Variants in FLVCR2 observed in about 807,000 individuals in gnomAD.
The protein encoded by FLVCR2 is choline/ethanolamine transporter FLVCR2.
Under a neutral mutation model 48.9 loss-of-function variants are expected in FLVCR2, and 38 were observed. That is an observed-to-expected ratio of 0.78 (90% CI 0.60 to 1.02). The LOEUF (loss-of-function observed/expected upper bound fraction) is 1.02, where lower values mean the gene tolerates loss of function less well. Among genes scored for constraint, FLVCR2 ranks in the 50% least tolerant of loss-of-function variants. The pLI is 0.00. For missense variants in FLVCR2, 664 were observed against 663.3 expected (o/e 1.00, Z -0.01); for synonymous variants, 255 against 257.0 (o/e 0.99, Z 0.07).
chr14:75,607,212 A>G (rs935107228), intron 1 of FLVCR2, among the ~76,000 whole-genome samples: 1 of 152,170 alleles, frequency 6.6e-6, no homozygotes, highest in African/African-American at 2.4e-5. Context: ...TGAAAGCTAA[A>G]TGAGGCAATG....
intron 2 of FLVCR2, among the ~76,000 whole-genome samples, chr14:75,623,974 C>T (rs575267826): frequency 2.0e-5 from 3 of 152,182 alleles, no homozygotes; most frequent in South Asian, 2.1e-4. Flanking sequence ...ATCACTTGAA[C>T]CCGGGAGGCA....
chr14:75,606,002 G>A (rs576817654), intron 1 of FLVCR2: 148 of 232,022 alleles, frequency 6.4e-4, no homozygotes, highest in African/African-American at 3.0e-3. Flanking sequence ...GAGGTGAGCA[G>A]GCATAAGGCA....
At position 75,627,649 on chromosome 14, in the gene FLVCR2, A is replaced by G. The variant is rs532884168; in HGVS notation, c.952+2897A>G. Among the ~76,000 whole-genome samples the G allele has an allele frequency of 5.9e-5, 9 of 152,350 alleles. No individual in the cohort carries two copies. The East Asian group carries it at 9.6e-4, about 16-fold the overall frequency. The stretch of plus-strand genomic sequence containing the variant: ...CCCGGAAAAGCCCTATTCATAGGAC[A>G]TGTTGCTATTTAACCTGACTTGGAG... On this transcript the variant is annotated intron_variant, in intron 3 of 9. Coordinates refer to ENST00000238667, the MANE Select transcript of FLVCR2 (RefSeq NM_017791.3).
intron 1 of FLVCR2, chr14:75,595,878 C>G (rs370346910): frequency 2.8e-6 from 3 of 1,054,946 alleles, no homozygotes; most frequent in African/African-American, 3.1e-5. Flanking sequence ...TCTGTTCTTG[C>G]GTTCCTCTCA....
chr14:75,605,955 A>C, intron 1 of FLVCR2: 6 of 349,170 alleles, frequency 1.7e-5, no homozygotes, highest in Non-Finnish European at 3.3e-5. Flanking sequence ...GTCTGTATGC[A>C]AGTCTATTTG....
intron 1 of FLVCR2, among the ~76,000 whole-genome samples, chr14:75,615,883 C>T (rs1889598692): frequency 6.9e-6 from 1 of 145,740 alleles, no homozygotes; most frequent in Non-Finnish European, 1.5e-5. Context: ...AAAAATTAGC[C>T]AGATGTGGTG....
intron 1 of FLVCR2, among the ~76,000 whole-genome samples, chr14:75,594,818 C>T (rs889743230): frequency 5.9e-5 from 9 of 152,074 alleles, no homozygotes; most frequent in Middle Eastern, 3.4e-3. Context: ...CTCCTGGGCT[C>T]GAGTGATCCC....
chr14:75,605,354 A>G (rs1889264727), intron 1 of FLVCR2: 15 of 994,980 alleles, frequency 1.5e-5, no homozygotes, highest in Non-Finnish European at 2.0e-5. Context: ...AAGTTAACCC[A>G]GTGGAATATC....
At chr14:75,605,927 G>A (rs1406471719) in intron 1 of FLVCR2, 5 of 419,384 alleles carry the variant, frequency 1.2e-5, no homozygotes, top group Non-Finnish European at 2.2e-5. Context: ...GTCTCCTTTG[G>A]CGGCTCTAGA....
At chr14:75,607,510 T>C (rs924446833) in intron 1 of FLVCR2, among the ~76,000 whole-genome samples, 1 of 152,148 alleles carries the variant, frequency 6.6e-6, no homozygotes. Context: ...CAAGGTTCCA[T>C]GGGAAGAGAG....
At chr14:75,628,475 T>C (rs59201614) in intron 3 of FLVCR2, among the ~76,000 whole-genome samples, 1,665 of 152,290 alleles carry the variant, frequency 0.011, 29 homozygotes, top group African/African-American at 0.038. Flanking sequence ...CAGTTTCAGA[T>C]TGGACTTTGA....
rs1890131256 is a variant in FLVCR2 at position 75,635,010 on chromosome 14, A to C, written c.1121A>C (p.Tyr374Ser). 1 of 1,597,256 alleles carries C rather than the reference A, an allele frequency of 6.3e-7. No individual in the cohort carries two copies. The highest frequency in any genetic ancestry group is 8.6e-7 in the Non-Finnish European group (1 of 1,164,600). Reference protein sequence around the residue: ...SGIWLDRSKTYKETTLVVYIM... With the variant: ...SGIWLDRSKTSKETTLVVYIM... ...ATCTGGCTGGATAGGTCCAAAACCT[A>C]CAAGTAAGTGACTCATCCTCTTGGA... is the stretch of plus-strand genomic sequence containing the variant. Residue 374 changes from tyrosine (Y) to serine (S), a missense_variant, in exon 5 of 10, where the codon TAC becomes TCC. By Grantham distance (144) the Tyr-to-Ser change is moderately radical (BLOSUM62 -2). Coordinates refer to ENST00000238667, the MANE Select transcript of FLVCR2 (RefSeq NM_017791.3).
rs186221259 is a variant in FLVCR2, at chr14:75,629,173, T to C, written c.952+4421T>C. On this transcript the variant is annotated intron_variant, in intron 3 of 9. Transcript: ENST00000238667. ...CTGGCTACACTCTTAGAGGTAGGGT[T>C]GAGAGATAAAATAAAGACCATCCAG... Among the ~76,000 whole-genome samples, 474 of 152,284 alleles carry C rather than the reference T, an allele frequency of 3.1e-3. 1 individual carries two copies. The highest frequency in any genetic ancestry group is 0.011 in the African/African-American group (448 of 41,534).
intron 1 of FLVCR2, among the ~76,000 whole-genome samples, chr14:75,611,031 C>T (rs1226144931): frequency 4.6e-5 from 7 of 152,130 alleles, no homozygotes; most frequent in Admixed American, 2.6e-4. Flanking sequence ...TTGTGTCAGA[C>T]GTGGTATGCG....
Position 75,579,603 on chromosome 14 carries a change from G to A in FLVCR2, c.631G>A (p.Val211Ile). The change falls in exon 1 of 10, where the codon GTT becomes ATT. Residue 211 changes from valine (V) to isoleucine (I), a missense_variant. Coordinates refer to ENST00000238667, the MANE Select transcript of FLVCR2 (RefSeq NM_017791.3). ...TTCCGTCTGGTTCGGGGCTAATGAG[G>A]TTTCAACAGCCTGCTCCGTGGCTGT... is the stretch of plus-strand genomic sequence containing the variant. ...IASVWFGANE[V>I]STACSVAVFG... 2 of 1,614,104 alleles carry A rather than the reference G, an allele frequency of 1.2e-6. No individual in the cohort carries two copies. Among genetic ancestry groups the A allele is most frequent in the South Asian group, 1.1e-5 (1 of 91,082 alleles).
intron 1 of FLVCR2, among the ~76,000 whole-genome samples, chr14:75,591,806 CTTTTTTTT>C (rs1163085989): frequency 0.01 from 1,101 of 109,362 alleles, 21 homozygotes; most frequent in African/African-American, 0.04. Context: ...CTCTTCATTC[CTTTTTTTT>C]TTTTTTTTTT....
intron 5 of FLVCR2, among the ~76,000 whole-genome samples, chr14:75,637,442 T>C (rs2140051162): frequency 6.6e-6 from 1 of 152,132 alleles, no homozygotes; most frequent in Non-Finnish European, 1.5e-5. Flanking sequence ...CTTTAAAGAT[T>C]TTGGCCAGGT....
intron 1 of FLVCR2, among the ~76,000 whole-genome samples, chr14:75,614,980 A>T (rs1247911946): frequency 6.6e-6 from 1 of 152,186 alleles, no homozygotes; most frequent in Non-Finnish European, 1.5e-5. Context: ...TCCTTGGCAC[A>T]TGGGGATTAC....
At chr14:75,596,209 T>C in intron 1 of FLVCR2, 1 of 686,778 alleles carries the variant, frequency 1.5e-6, no homozygotes, top group Non-Finnish European at 2.6e-6. Flanking sequence ...TCGTTCATGA[T>C]GGTGGTCTAT....
Sources: gnomAD v4.1 joint callset for allele counts (sites outside exome capture counted in the v4.1 genomes callset) on GRCh38, gnomAD v4.1.1 for gene constraint, MANE v1.5 for transcripts, NCBI Gene and HGNC (gene_info 2026-07-23, HGNC 2026-07-21) for gene names.